Variants in PRKG1 observed in about 807,000 individuals in gnomAD.
PRKG1 encodes cGMP-dependent protein kinase 1.
Under a neutral mutation model 88.1 loss-of-function variants are expected in PRKG1, and 35 were observed. The observed-to-expected ratio is 0.40, with a 90% CI of 0.30 to 0.53. PRKG1 has a LOEUF of 0.53. PRKG1 is among the 20% of genes least tolerant of loss of function. PRKG1 has a pLI of 0.59. For synonymous variants in PRKG1, 303 were observed against 292.5 expected (o/e 1.04, Z -0.37); for missense variants, 540 against 839.8 (o/e 0.64, Z 4.41).
chr10:52,178,120 A>G (rs895398083), intron 9 of PRKG1, among the ~76,000 whole-genome samples: 3 of 151,732 alleles, frequency 2.0e-5, no homozygotes, highest in African/African-American at 7.3e-5. Flanking sequence ...AGTTTTTTTG[A>G]TATAGGCATT....
Position 51,374,093 on chromosome 10 carries a change from A to AAAAAAATATATAT in PRKG1, c.479-93629_479-93628insAAAAATATATATA. Among the ~76,000 whole-genome samples the AAAAAAATATATAT allele has an allele frequency of 3.0e-3, 300 of 100,144 alleles. 7 individuals are homozygous for AAAAAAATATATAT. The highest frequency in any genetic ancestry group is 7.7e-3 in the African/African-American group (227 of 29,628). The allele number at this position is 100,144 out of a possible 152,430, so 65.7% of individuals were successfully genotyped here. On this transcript the variant is annotated intron_variant, in intron 2 of 17. Transcript: ENST00000373980. ...GCTGGCAGAGGTTGCAAAAAAAAAA[A>AAAAAAATATATAT]ATATATATATATATATATATGTACT...
At chr10:51,693,217 G>A (rs1298748865) in intron 3 of PRKG1, among the ~76,000 whole-genome samples, 1 of 150,002 alleles carries the variant, frequency 6.7e-6, no homozygotes, top group East Asian at 2.0e-4. Context: ...AAACCCAGGA[G>A]GCAGAGGTTG....
At chr10:51,188,938 C>T (rs1055914334) in intron 2 of PRKG1, among the ~76,000 whole-genome samples, 2 of 152,006 alleles carry the variant, frequency 1.3e-5, no homozygotes, top group East Asian at 1.9e-4. Context: ...AGAGTGTCTG[C>T]AGTTTAGCTT....
chr10:51,766,338 T>A (rs537020040), intron 3 of PRKG1, among the ~76,000 whole-genome samples: 1 of 152,176 alleles, frequency 6.6e-6, no homozygotes, highest in Non-Finnish European at 1.5e-5. Flanking sequence ...TTAGCTTGAG[T>A]TAGTTGCTCC....
At chr10:51,097,872 TG>T (rs1844575400) in intron 1 of PRKG1, among the ~76,000 whole-genome samples, 2 of 152,170 alleles carry the variant, frequency 1.3e-5, no homozygotes, top group Admixed American at 1.3e-4. Flanking sequence ...AACTCTTTTT[TG>T]GATCCTGGCA....
intron 3 of PRKG1, among the ~76,000 whole-genome samples, chr10:51,695,043 G>A (rs1841251441): frequency 6.6e-6 from 1 of 152,000 alleles, no homozygotes; most frequent in African/African-American, 2.4e-5. Context: ...GCTCTTAATG[G>A]GATTTTTTCC....
intron 17 of PRKG1, among the ~76,000 whole-genome samples, chr10:52,293,448 C>T (rs188485814): frequency 1.7e-3 from 259 of 152,198 alleles, no homozygotes; most frequent in African/African-American, 3.7e-3. Flanking sequence ...GAGCCTGCAT[C>T]GCCAAGTCAA....
intron 5 of PRKG1, among the ~76,000 whole-genome samples, chr10:51,925,846 C>T (rs1403966676): frequency 6.6e-6 from 1 of 152,024 alleles, no homozygotes; most frequent in East Asian, 1.9e-4. Flanking sequence ...CTAAGAAATG[C>T]TATTGATCTT....
At chr10:50,995,894 T>G (rs1486627991) in intron 1 of PRKG1, among the ~76,000 whole-genome samples, 1 of 152,256 alleles carries the variant, frequency 6.6e-6, no homozygotes, top group Non-Finnish European at 1.5e-5. Context: ...TTCCTTTCAC[T>G]GGGGCATGGA....
intron 7 of PRKG1, among the ~76,000 whole-genome samples, chr10:52,120,713 C>A (rs1055456951): frequency 2.0e-4 from 30 of 152,212 alleles, no homozygotes; most frequent in Middle Eastern, 3.2e-3. Flanking sequence ...CTCCCCAGAC[C>A]TCAGGCAGCC....
chr10:52,234,930 C>G (rs370908161), intron 9 of PRKG1, among the ~76,000 whole-genome samples: 1 of 120,514 alleles, frequency 8.3e-6, no homozygotes, highest in East Asian at 2.3e-4. Flanking sequence ...GTCGGGTTAC[C>G]CTCAAAGGGA....
At chr10:52,089,924 C>T (rs1847012741) in intron 7 of PRKG1, among the ~76,000 whole-genome samples, 1 of 145,320 alleles carries the variant, frequency 6.9e-6, no homozygotes, top group Admixed American at 7.3e-5. Context: ...AAGTGATTCT[C>T]CTGCTTCAGC....
At chr10:51,729,809 G>C (rs1220230980) in intron 3 of PRKG1, among the ~76,000 whole-genome samples, 1 of 150,888 alleles carries the variant, frequency 6.6e-6, no homozygotes. Context: ...AGTAGAATGA[G>C]TGATGTTTTC....
At chr10:51,024,444 G>A (rs993846725) in intron 1 of PRKG1, among the ~76,000 whole-genome samples, 3 of 152,008 alleles carry the variant, frequency 2.0e-5, no homozygotes, top group Admixed American at 6.6e-5. Flanking sequence ...TAAGTTCTAC[G>A]TACTTGACCT....
At chr10:52,166,322 T>A (rs1838433402) in intron 9 of PRKG1, among the ~76,000 whole-genome samples, 1 of 53,086 alleles carries the variant, frequency 1.9e-5, no homozygotes, top group South Asian at 4.8e-4. Flanking sequence ...CCAAGGATCA[T>A]CTTACAGTTC....
chr10:51,648,391 A>T (rs995414422), intron 3 of PRKG1, among the ~76,000 whole-genome samples: 11 of 152,206 alleles, frequency 7.2e-5, no homozygotes, highest in Admixed American at 7.2e-4. Flanking sequence ...ATCATATGAC[A>T]CTGTATATTG....
chr10:51,493,366 A>G lies in PRKG1; in HGVS notation c.592+25530A>G, dbSNP rs1021794239. ...TTTTAAAATTTGTTGTAATTAGTGGATTGTTTGTAATTGCCTTTTGGGGCC... is the reference window on the plus strand; with the variant it reads ...TTTTAAAATTTGTTGTAATTAGTGGGTTGTTTGTAATTGCCTTTTGGGGCC... On this transcript the variant is annotated intron_variant, in intron 3 of 17. Coordinates refer to ENST00000373980, the MANE Select transcript of PRKG1 (RefSeq NM_006258.4). 8.5e-5 allele frequency among the ~76,000 whole-genome samples: 13 copies of G among 152,224 alleles called. No homozygotes were observed. In the South Asian group the frequency reaches 2.5e-3, roughly 29 times the overall value.
intron 2 of PRKG1, 103 bp from the exon 3 acceptor site, chr10:51,467,620 G>A: frequency 1.2e-6 from 1 of 842,662 alleles, no homozygotes. Flanking sequence ...ATTGGTAACT[G>A]CATTTTTACA....
intron 5 of PRKG1, among the ~76,000 whole-genome samples, chr10:51,932,385 T>C (rs1183816653): frequency 1.1e-4 from 17 of 152,178 alleles, no homozygotes. Flanking sequence ...ATTATCTTTA[T>C]ATGTTAGTCA....
Sources: allele counts gnomAD v4.1 joint callset (sites outside exome capture counted in the v4.1 genomes callset), GRCh38; gene constraint gnomAD v4.1.1; transcripts MANE v1.5; gene names NCBI Gene and HGNC (gene_info 2026-07-23, HGNC 2026-07-21).